TGIF1: variants seen among roughly 807,000 people sequenced by gnomAD.
TGIF1 encodes homeobox protein TGIF1.
In TGIF1, 4 loss-of-function variants were observed where a neutral mutation model predicts 19.3. That is an observed-to-expected ratio of 0.21 (90% CI 0.10 to 0.47). The LOEUF is 0.47. Among genes scored for constraint, TGIF1 ranks in the 20% least tolerant of loss-of-function variants. The pLI is 0.98. For missense variants in TGIF1, 275 were observed against 341.4 expected, an observed-to-expected ratio of 0.81 and a Z score of 1.53; for synonymous variants, 122 against 129.3, an observed-to-expected ratio of 0.94 and a Z score of 0.38.
At chr18:3,448,717 C>CTTTTTTTTTTTTTTTTTT (rs869086299), upstream of TGIF1, 211 of 255,896 alleles carry the variant, frequency 8.2e-4, 12 homozygotes, top group African/African-American at 8.5e-3. Flanking sequence ...GCGGGGGTGT[C>CTTTTTTTTTTTTTTTTTT]TTTTTTTTTT....
chr18:3,430,645 C>T (rs2082534839), intron 2 of TGIF1, among the ~76,000 whole-genome samples: 1 of 151,576 alleles, frequency 6.6e-6, no homozygotes, highest in Non-Finnish European at 1.5e-5. Context: ...GCTGGGACTA[C>T]AGGCCCATGC....
upstream of TGIF1, chr18:3,448,643 T>A (rs2082797757): frequency 2.0e-6 from 2 of 985,060 alleles, no homozygotes; most frequent in Non-Finnish European, 2.4e-6. Flanking sequence ...GTTGATTCAT[T>A]TTAGTCCTGT....
upstream of TGIF1, chr18:3,449,472 A>G: frequency 2.0e-6 from 2 of 985,442 alleles, no homozygotes; most frequent in Non-Finnish European, 2.4e-6. Flanking sequence ...CTGCCTTGCA[A>G]TCCAGTCCGG....
rs757991173 is a variant in TGIF1 at position 3,457,464 on chromosome 18, G to A, written c.343G>A (p.Ala115Thr). ...PNQFTISRRG[A>T]KISETSSVES... is the part of the protein sequence containing the mutation. Reference sequence around the variant, plus strand: ...TCAGTTCACAATTTCCCGCCGTGGGGCCAAGATTTCTGAAACGAGCTCTGT... The same window carrying A: ...TCAGTTCACAATTTCCCGCCGTGGGACCAAGATTTCTGAAACGAGCTCTGT... The change falls in exon 3 of 3, where the codon GCC becomes ACC. Residue 115 changes from alanine (A) to threonine (T), a missense_variant. Transcript: ENST00000343820. This position sits in a 1 kb window ranked among gnomAD's most constrained non-coding sequence, Gnocchi z 4.9. 4.3e-6 allele frequency: 7 copies of A among 1,614,206 alleles called. No homozygotes were observed. The highest frequency in any genetic ancestry group is 5.1e-6 in the Non-Finnish European group (6 of 1,180,036).
chr18:3,419,841 AC>A lies in TGIF1; in HGVS notation c.-45+1627del, dbSNP rs983088911. ...GCCAACATAGCAAAACCCCTCCTCTACTAAAAATACAAAAATTAGCTGGGCA... is the reference window on the plus strand; with the variant it reads ...GCCAACATAGCAAAACCCCTCCTCTATAAAAATACAAAAATTAGCTGGGCA... On this transcript the variant is annotated intron_variant, in intron 2 of 3. Coordinates refer to the TGIF1 transcript ENST00000401449. Among the ~76,000 whole-genome samples the A allele has an allele frequency of 6.6e-5, 10 of 152,166 alleles. No homozygotes were observed. In the South Asian group the frequency reaches 1.5e-3, roughly 22 times the overall value.
Position 3,458,385 on chromosome 18 carries a change from G to T in TGIF1, c.*445G>T. The T allele has an allele frequency of 6.0e-6, 1 of 167,380 alleles. No homozygotes were observed. The highest frequency in any genetic ancestry group is 5.9e-5 in the Admixed American group (1 of 17,004). The allele number at this position is 167,380 out of a possible 1,614,324, so 10.4% of individuals were successfully genotyped here. On this transcript the variant is annotated 3_prime_UTR_variant, in exon 3 of 3. Coordinates refer to ENST00000343820, the MANE Select transcript of TGIF1 (RefSeq NM_003244.4). The stretch of plus-strand genomic sequence containing the variant: ...AGTTGGTTGATGCCTTTTTTTTCAT[G>T]ACATAATAAAGTATTTTCTTTAAAA...
upstream of TGIF1, chr18:3,448,589 A>T (rs1298836737): frequency 1.0e-6 from 1 of 985,324 alleles, no homozygotes; most frequent in East Asian, 1.1e-4. Flanking sequence ...AGAAGAAAAA[A>T]ATCGTAAGGT....
intron 2 of TGIF1, among the ~76,000 whole-genome samples, chr18:3,421,735 T>A (rs2082400792): frequency 7.0e-6 from 1 of 143,222 alleles, no homozygotes; most frequent in African/African-American, 2.6e-5. Flanking sequence ...AATTGTTATT[T>A]TAGAGTGTAC....
upstream of TGIF1, chr18:3,448,452 G>C: frequency 8.1e-6 from 8 of 992,596 alleles, no homozygotes; most frequent in Non-Finnish European, 8.4e-6. Flanking sequence ...AGCCAGGTCC[G>C]GGAAGGAACT....
rs910484849 is a variant in TGIF1 at position 3,432,198 on chromosome 18, A to C, written c.-45+13983A>C. ...TCAATTTTGTGATATATCTGTCCAA[A>C]ATGCACAGCCTCAATCTAATCATGA... On this transcript the variant is annotated intron_variant, in intron 2 of 3. Transcript: ENST00000401449. Among the ~76,000 whole-genome samples the C allele has an allele frequency of 2.0e-5, 3 of 152,038 alleles. No individual in the cohort carries two copies. The South Asian group carries it at 6.2e-4, about 32-fold the overall frequency.
intron 1 of TGIF1, among the ~76,000 whole-genome samples, chr18:3,452,748 C>T (rs940805942): frequency 6.6e-6 from 1 of 152,180 alleles, no homozygotes; most frequent in African/African-American, 2.4e-5. Context: ...TGGAAAGACT[C>T]CTGAGGAAGT....
chr18:3,456,792 A>G lies in TGIF1; in HGVS notation c.243+212A>G. 1.5e-6 allele frequency: 1 copy of G among 667,310 alleles called. No individual in the cohort carries two copies. The highest frequency in any genetic ancestry group is 2.7e-6 in the Non-Finnish European group (1 of 371,812). The allele number at this position is 667,310 out of a possible 1,614,324, so 41.3% of individuals were successfully genotyped here. ...TCATCTATCAGATAGCATTTCCTTT[A>G]ATGCCTAAAAGAACCTTCCTTTATG... On this transcript the variant is annotated intron_variant, in intron 2 of 2. Coordinates refer to ENST00000343820, the MANE Select transcript of TGIF1 (RefSeq NM_003244.4). This position sits in a 1 kb window ranked among gnomAD's most constrained non-coding sequence, Gnocchi z 4.2.
rs970083619 is a variant in TGIF1, at chr18:3,458,075, A to G, written c.*135A>G. ...GCTAAAACAGCTTCCTGTTACTGAG[A>G]TGTCTTCAATGGAATACAGTCATTC... On this transcript the variant is annotated 3_prime_UTR_variant, in exon 3 of 3. Transcript: ENST00000343820. The G allele has an allele frequency of 4.0e-5, 30 of 748,100 alleles. No individual in the cohort carries two copies. In the African/African-American group the frequency reaches 4.6e-4, roughly 11 times the overall value. 46.3% of individuals were successfully genotyped at this position (748,100 alleles called of 1,614,324 possible).
At chr18:3,426,773 T>C (rs1255492172) in intron 2 of TGIF1, among the ~76,000 whole-genome samples, 2 of 152,186 alleles carry the variant, frequency 1.3e-5, no homozygotes, top group Non-Finnish European at 2.9e-5. Context: ...TTCAATAATA[T>C]GAAAATACAT....
At chr18:3,412,048 G>T in exon 1 of TGIF1, 1 of 164,876 alleles carries the variant, frequency 6.1e-6, no homozygotes, top group South Asian at 1.6e-4. Context: ...ACACCTCCAG[G>T]ACAACAGTGA....
chr18:3,452,715 G>C (rs185996172), intron 1 of TGIF1, among the ~76,000 whole-genome samples: 95 of 152,244 alleles, frequency 6.2e-4, no homozygotes, highest in Admixed American at 4.5e-3. Context: ...TACCTGGGAG[G>C]GGGGAGCCTT....
chr18:3,437,834 A>C (rs1489887442), intron 2 of TGIF1, among the ~76,000 whole-genome samples: 1 of 152,260 alleles, frequency 6.6e-6, no homozygotes, highest in Non-Finnish European at 1.5e-5. Flanking sequence ...CTGTAATCCC[A>C]GCACTTTGGG....
intron 2 of TGIF1, among the ~76,000 whole-genome samples, chr18:3,433,874 G>T (rs1449240615): frequency 2.0e-5 from 3 of 152,078 alleles, no homozygotes; most frequent in Non-Finnish European, 4.4e-5. Flanking sequence ...TGGTCAAAAT[G>T]GTATATTTTA....
At chr18:3,444,985 G>A (rs1349636534) in intron 2 of TGIF1, among the ~76,000 whole-genome samples, 2 of 152,192 alleles carry the variant, frequency 1.3e-5, no homozygotes, top group Non-Finnish European at 2.9e-5. Context: ...ATCTGTGTTT[G>A]TCACAGCTTG....
Sources: allele counts gnomAD v4.1 joint callset (sites outside exome capture counted in the v4.1 genomes callset), GRCh38; gene constraint gnomAD v4.1.1; non-coding constraint Gnocchi (gnomAD v3.1); transcripts MANE v1.5; gene names NCBI Gene and HGNC (gene_info 2026-07-23, HGNC 2026-07-21).